NTN5: variants seen among roughly 807,000 people sequenced by gnomAD.
NTN5 encodes the protein netrin 5.
In NTN5, 42 loss-of-function variants were observed where a neutral mutation model predicts 38.7. That is an observed-to-expected ratio of 1.08 (90% confidence interval 0.85 to 1.40). The LOEUF (loss-of-function observed/expected upper bound fraction) is 1.40, where lower values mean the gene tolerates loss of function less well. NTN5 is among the 40% of genes most tolerant of loss of function. The probability of loss-of-function intolerance (pLI) is 0.00; values close to 1 mark genes in which losing one functional copy is unlikely to be tolerated. For missense variants in NTN5, 658 were observed against 716.5 expected (o/e 0.92, Z 0.93); for synonymous variants, 329 against 303.9 (o/e 1.08, Z -0.86).
Position 48,664,129 on chromosome 19 carries a change from C to T in NTN5, c.970+14G>A. On this transcript the variant is annotated intron_variant, in intron 4 of 6. Coordinates refer to ENST00000270235, the MANE Select transcript of NTN5 (RefSeq NM_145807.4). ...GCTCTACTCAGGCTTGTGGCCTGGC[C>T]CCTCAAGACTTACGCTGGCAGGGCA... 2 of 1,597,644 alleles carry T rather than the reference C, an allele frequency of 1.3e-6. No individual in the cohort carries two copies. Among genetic ancestry groups the T allele is most frequent in the Non-Finnish European group, 1.7e-6 (2 of 1,172,602 alleles).
chr19:48,672,043 C>T (rs1244842843), intron 1 of NTN5, among the ~76,000 whole-genome samples: 1 of 152,166 alleles, frequency 6.6e-6, no homozygotes, highest in African/African-American at 2.4e-5. Flanking sequence ...TTTCTGCTCA[C>T]CTCAACCCTG....
intron 2 of NTN5, among the ~76,000 whole-genome samples, chr19:48,665,341 C>G (rs910856696): frequency 4.0e-5 from 6 of 150,786 alleles, no homozygotes; most frequent in Non-Finnish European, 7.4e-5. Context: ...GAGGCTGAGG[C>G]AGGAGAATCT....
chr19:48,663,579 G>T, intron 5 of NTN5, 36 bp from the exon 6 acceptor site: 1 of 1,596,440 alleles, frequency 6.3e-7, no homozygotes, highest in Non-Finnish European at 8.6e-7. Flanking sequence ...TGGGCTCCTG[G>T]GGCCTAGACC....
At chr19:48,669,552 CCAT>C (rs2031844206) in intron 2 of NTN5, among the ~76,000 whole-genome samples, 1 of 26,054 alleles carries the variant, frequency 3.8e-5, no homozygotes, top group African/African-American at 1.4e-4. Flanking sequence ...ACCACCACCA[CCAT>C]CACCACCACC....
In NTN5 at chr19:48,670,731, C is replaced by A. The variant is rs150855933; in HGVS notation, c.256G>T (p.Gly86Ter). The A allele has an allele frequency of 1.9e-6, 3 of 1,612,700 alleles. No individual in the cohort carries two copies. Among genetic ancestry groups the A allele is most frequent in the Admixed American group, 1.7e-5 (1 of 59,966 alleles). ...GCAGACAGGATGAGGGCTGGGGGTC[C>A]TGGGGTACAGAAGCGCAAGCTGACA... is the stretch of plus-strand genomic sequence containing the variant. ...TSVSLRFCTP[G>*]PPALILSAAW... Residue 86 changes from glycine to a stop codon, truncating the protein, a stop_gained, in exon 2 of 7, where the codon GGA becomes TGA. Coordinates refer to ENST00000270235, the MANE Select transcript of NTN5 (RefSeq NM_145807.4). LOFTEE classifies it high-confidence loss of function.
intron 6 of NTN5, 33 bp downstream of exon 6, chr19:48,663,430 T>C: frequency 1.3e-6 from 2 of 1,576,886 alleles, no homozygotes; most frequent in Non-Finnish European, 1.7e-6. Flanking sequence ...ACCAGCTGTG[T>C]AGCCTTCAGC....
At chr19:48,668,404 G>A (rs1444952196) in intron 2 of NTN5, among the ~76,000 whole-genome samples, 2 of 152,162 alleles carry the variant, frequency 1.3e-5, no homozygotes, top group Non-Finnish European at 2.9e-5. Context: ...TAAAGGATGT[G>A]CTGTTACTAT....
At chr19:48,663,691 T>C (rs772244453) in intron 5 of NTN5, 70 bp downstream of exon 5, 59 of 1,543,586 alleles carry the variant, frequency 3.8e-5, no homozygotes, top group Non-Finnish European at 5.2e-5. Context: ...TGTATCCCCA[T>C]CTGGGGACCC....
chr19:48,667,889 G>A (rs2031746330), intron 2 of NTN5, among the ~76,000 whole-genome samples: 1 of 152,074 alleles, frequency 6.6e-6, no homozygotes, highest in Non-Finnish European at 1.5e-5. Flanking sequence ...GGGCCGGGAG[G>A]CAAAGCGCAT....
In NTN5 at chr19:48,670,796, C is replaced by G. The variant is rs2031942111; in HGVS notation, c.191G>C (p.Ser64Thr). 6.2e-7 allele frequency: 1 copy of G among 1,613,020 alleles called. No homozygotes were observed. The highest frequency in any genetic ancestry group is 1.7e-5 in the Admixed American group (1 of 59,984). Residue 64 changes from serine to threonine, a missense_variant, in exon 2 of 7, where the codon AGC (serine) becomes ACC (threonine). By Grantham distance (58) the Ser-to-Thr change is moderately conservative. Coordinates refer to ENST00000270235, the MANE Select transcript of NTN5 (RefSeq NM_145807.4). ...HLGARETCNG[S>T]LTLALGGPFL... is the part of the protein sequence containing the mutation. ...GGGGCCACCCAGGGCCAAAGTCAGG[C>G]TGCCATTGCAGGTTTCCCTGGCGCC...
At chr19:48,669,604 C>T (rs1433813111) in intron 2 of NTN5, among the ~76,000 whole-genome samples, 2 of 5,132 alleles carry the variant, frequency 3.9e-4, no homozygotes, top group Non-Finnish European at 3.6e-4. Context: ...TCACCACCAC[C>T]ACCATCATCA....
At chr19:48,665,115 G>A (rs2031665964) in intron 2 of NTN5, among the ~76,000 whole-genome samples, 1 of 151,024 alleles carries the variant, frequency 6.6e-6, no homozygotes, top group Non-Finnish European at 1.5e-5. Context: ...GTAGAGACGG[G>A]GTTTCACCGT....
Position 48,663,677 on chromosome 19 carries a change from C to A in NTN5, c.1024+84G>T. 2.7e-6 allele frequency: 4 copies of A among 1,506,472 alleles called. No individual in the cohort carries two copies. The Middle Eastern group carries it at 5.8e-4, about 218-fold the overall frequency. 93.3% of individuals were successfully genotyped at this position (1,506,472 alleles called of 1,614,324 possible). A position where few individuals can be genotyped will look rare whatever the true frequency, so the allele number is the denominator to read the frequency against. On this transcript the variant is annotated intron_variant, in intron 5 of 6. Coordinates refer to ENST00000270235, the MANE Select transcript of NTN5 (RefSeq NM_145807.4). The stretch of plus-strand genomic sequence containing the variant: ...CTTTGGGACTGGGCTCAATGGGTGA[C>A]CCATGTATCCCCATCTGGGGACCCA...
chr19:48,664,596 C>A lies in NTN5; in HGVS notation c.803G>T (p.Ser268Ile), dbSNP rs761446704. Residue 268 changes from serine to isoleucine, a missense_variant, in exon 3 of 7, where the codon AGC (serine) becomes ATC (isoleucine). By Grantham distance (142) the Ser-to-Ile change is moderately radical. Transcript: ENST00000270235. ...ACACTCACCTCTGCAGGCCCTGCGG[C>A]TGAAGATAGGCTGGCTAGGGTCCCT... ...FWRDPSQPIF[S>I]RRACRACQCH... 6.2e-7 allele frequency: 1 copy of A among 1,612,894 alleles called. No homozygotes were observed. Among genetic ancestry groups the A allele is most frequent in the Non-Finnish European group, 8.5e-7 (1 of 1,179,502 alleles).
intron 2 of NTN5, among the ~76,000 whole-genome samples, chr19:48,669,090 A>G (rs2031788306): frequency 7.0e-6 from 1 of 143,504 alleles, no homozygotes; most frequent in African/African-American, 2.7e-5. Flanking sequence ...CATCATCACC[A>G]CCACCATCAC....
intron 2 of NTN5, among the ~76,000 whole-genome samples, chr19:48,669,184 C>T (rs908787224): frequency 2.5e-5 from 1 of 40,240 alleles, no homozygotes; most frequent in Non-Finnish European, 4.4e-5. Context: ...CCACCATGAC[C>T]ACCATCATCA....
At chr19:48,663,917 T>C in intron 4 of NTN5, 103 bp from the exon 5 acceptor site, 1 of 1,274,338 alleles carries the variant, frequency 7.8e-7, no homozygotes, top group East Asian at 2.3e-5. Flanking sequence ...TGTTTATTCC[T>C]TTAGGACTCA....
chr19:48,665,547 A>G (rs1242480958), intron 2 of NTN5, among the ~76,000 whole-genome samples: 3 of 151,348 alleles, frequency 2.0e-5, no homozygotes, highest in Non-Finnish European at 2.9e-5. Context: ...GCATCCAGGC[A>G]CGATGGCTCG....
intron 2 of NTN5, among the ~76,000 whole-genome samples, chr19:48,668,961 A>G (rs1270031043): frequency 6.6e-6 from 1 of 150,486 alleles, no homozygotes; most frequent in East Asian, 1.9e-4. Context: ...CATCATCACC[A>G]CTATCACCAC....
Sources: gnomAD v4.1 joint callset for allele counts (sites outside exome capture counted in the v4.1 genomes callset) on GRCh38, gnomAD v4.1.1 for gene constraint, MANE v1.5 for transcripts, NCBI Gene and HGNC (gene_info 2026-07-23, HGNC 2026-07-21) for gene names.